Variants in ZNF385D observed in about 807,000 individuals in gnomAD.
ZNF385D encodes zinc finger protein 385D.
In ZNF385D, 15 loss-of-function variants were observed where a neutral mutation model predicts 35.8. The ratio of observed to expected loss-of-function variants is 0.42; its 90% CI spans 0.28 to 0.64. ZNF385D has a LOEUF of 0.64. ZNF385D is among the 30% of genes least tolerant of loss of function. The pLI, the probability that ZNF385D is intolerant of heterozygous loss-of-function variation, is 0.23. For missense variants in ZNF385D, 474 were observed against 494.6 expected (o/e 0.96, Z 0.39); for synonymous variants, 212 against 186.8 (o/e 1.13, Z -1.10).
chr3:22,174,037 C>T (rs1694649470), intron 2 of ZNF385D, among the ~76,000 whole-genome samples: 2 of 151,360 alleles, frequency 1.3e-5, no homozygotes, highest in African/African-American at 4.9e-5. Flanking sequence ...CACACACACA[C>T]ACACACACAC....
chr3:22,337,036 C>T (rs1695202319), intron 2 of ZNF385D, among the ~76,000 whole-genome samples: 1 of 149,350 alleles, frequency 6.7e-6, no homozygotes, highest in Non-Finnish European at 1.5e-5. Context: ...TCATAAAAAC[C>T]CATTCATTTA....
chr3:22,122,225 A>G (rs1323383748), intron 3 of ZNF385D, among the ~76,000 whole-genome samples: 1 of 152,098 alleles, frequency 6.6e-6, no homozygotes, highest in East Asian at 1.9e-4. Context: ...CCTTCTTTCT[A>G]CCAGAACTTG....
chr3:21,698,099 A>C (rs958968899), intron 1 of ZNF385D, among the ~76,000 whole-genome samples: 1 of 152,178 alleles, frequency 6.6e-6, no homozygotes, highest in Non-Finnish European at 1.5e-5. Flanking sequence ...CTACTTGACT[A>C]TCTACTCAAA....
At chr3:22,123,986 A>ATATATATATATATATATATATG (rs753742081) in intron 3 of ZNF385D, among the ~76,000 whole-genome samples, 8 of 122,390 alleles carry the variant, frequency 6.5e-5, no homozygotes, top group Non-Finnish European at 1.0e-4. Context: ...ATATATATAT[A>ATATATATATATATATATATATG]TATTGCTGAC....
intron 2 of ZNF385D, among the ~76,000 whole-genome samples, chr3:22,173,796 G>A (rs141830688): frequency 4.9e-4 from 75 of 152,198 alleles, no homozygotes; most frequent in Non-Finnish European, 9.0e-4. Context: ...TCTGTGAAAA[G>A]CTCAGAATTC....
At chr3:22,250,044 T>C (rs1699986148) in intron 2 of ZNF385D, among the ~76,000 whole-genome samples, 1 of 152,180 alleles carries the variant, frequency 6.6e-6, no homozygotes, top group African/African-American at 2.4e-5. Flanking sequence ...TATAGCACAT[T>C]GTAATGGAGC....
intron 2 of ZNF385D, among the ~76,000 whole-genome samples, chr3:22,344,856 C>T (rs1695586043): frequency 6.6e-6 from 1 of 152,164 alleles, no homozygotes; most frequent in African/African-American, 2.4e-5. Context: ...TGATTTGATT[C>T]ACCAACTAAA....
chr3:21,657,157 T>C (rs1415475990), intron 2 of ZNF385D, among the ~76,000 whole-genome samples: 1 of 151,930 alleles, frequency 6.6e-6, no homozygotes, highest in East Asian at 1.9e-4. Context: ...GAAGGATAGA[T>C]ACAAAAGCCA....
intron 3 of ZNF385D, among the ~76,000 whole-genome samples, chr3:21,847,254 T>C (rs1175803265): frequency 1.3e-5 from 2 of 152,086 alleles, no homozygotes; most frequent in East Asian, 3.9e-4. Context: ...GCAAAGGACT[T>C]TTTTAGTTAT....
At chr3:22,126,728 T>C (rs1703453686) in intron 3 of ZNF385D, among the ~76,000 whole-genome samples, 1 of 152,146 alleles carries the variant, frequency 6.6e-6, no homozygotes, top group Non-Finnish European at 1.5e-5. Flanking sequence ...AGTTATAATA[T>C]CTCTTTGTTG....
At chr3:21,636,180 G>T (rs955744880) in intron 2 of ZNF385D, among the ~76,000 whole-genome samples, 1 of 151,402 alleles carries the variant, frequency 6.6e-6, no homozygotes, top group Non-Finnish European at 1.5e-5. Context: ...CACCAGCAGC[G>T]TAGAAGTGTT....
intron 4 of ZNF385D, among the ~76,000 whole-genome samples, chr3:21,468,395 C>T (rs1314862839): frequency 1.2e-5 from 1 of 84,140 alleles, no homozygotes; most frequent in East Asian, 3.1e-4. Context: ...GAGCAAGACA[C>T]TGTCTCAAAA....
chr3:21,931,824 C>A (rs1701022376), intron 3 of ZNF385D, among the ~76,000 whole-genome samples: 1 of 152,064 alleles, frequency 6.6e-6, no homozygotes, highest in Non-Finnish European at 1.5e-5. Flanking sequence ...TTAAGTGAGT[C>A]AGTTTTATAA....
At position 21,539,672 on chromosome 3, in the gene ZNF385D, A is replaced by C. The variant is rs1466484038; in HGVS notation, c.276+24902T>G. On this transcript the variant is annotated intron_variant, in intron 3 of 7. Coordinates refer to ENST00000281523, the MANE Select transcript of ZNF385D (RefSeq NM_024697.3). The surrounding 1 kb of genome is among the most constrained non-coding windows in gnomAD (Gnocchi z 4.0). ...AATAGTTTCTTTATGGAATACACAA[A>C]GAATATATTAAATGTTTTTAAAAAT... is the stretch of plus-strand genomic sequence containing the variant. Among the ~76,000 whole-genome samples the C allele has an allele frequency of 2.0e-5, 3 of 152,124 alleles. No individual in the cohort carries two copies. The highest frequency in any genetic ancestry group is 3.8e-4 in the East Asian group (2 of 5,200).
intron 3 of ZNF385D, among the ~76,000 whole-genome samples, chr3:22,087,024 C>T (rs1418307334): frequency 1.3e-5 from 2 of 151,962 alleles, no homozygotes; most frequent in African/African-American, 4.8e-5. Context: ...ATGGCACACG[C>T]ATACATATGT....
intron 4 of ZNF385D, among the ~76,000 whole-genome samples, chr3:21,453,682 A>G (rs1021468235): frequency 1.3e-5 from 2 of 152,048 alleles, no homozygotes; most frequent in Admixed American, 1.3e-4. Context: ...ATAATAATAA[A>G]AAACTAAATT....
chr3:21,548,861 T>A (rs2062471482), intron 3 of ZNF385D, among the ~76,000 whole-genome samples: 1 of 152,218 alleles, frequency 6.6e-6, no homozygotes, highest in Admixed American at 6.5e-5. Flanking sequence ...CCTAGCTGTT[T>A]CAGTAGCCTA....
intron 2 of ZNF385D, among the ~76,000 whole-genome samples, chr3:22,297,000 G>T (rs1353860852): frequency 6.6e-6 from 1 of 152,096 alleles, no homozygotes. Context: ...AGGGCCTGAG[G>T]TACAAGTATA....
intron 1 of ZNF385D, among the ~76,000 whole-genome samples, chr3:21,681,310 A>G (rs1023585772): frequency 2.0e-5 from 3 of 148,410 alleles, no homozygotes; most frequent in Admixed American, 6.7e-5. Context: ...AAAAAAAAAA[A>G]AAAAAAAAAA....
Sources: allele counts gnomAD v4.1 joint callset (sites outside exome capture counted in the v4.1 genomes callset), GRCh38; gene constraint gnomAD v4.1.1; non-coding constraint Gnocchi (gnomAD v3.1); transcripts MANE v1.5; gene names NCBI Gene and HGNC (gene_info 2026-07-23, HGNC 2026-07-21).